Variants in IPO13 observed in about 807,000 individuals in gnomAD.
IPO13 encodes importin 13.
In IPO13, 28 loss-of-function variants were observed where a neutral mutation model predicts 115.5. The ratio of observed to expected loss-of-function variants is 0.24; its 90% CI spans 0.18 to 0.33. The LOEUF is 0.33. IPO13 is among the 10% of genes least tolerant of loss of function. The pLI is 1.00. For synonymous variants in IPO13, 414 were observed against 478.9 expected (o/e 0.86, Z 1.77); for missense variants, 785 against 1,204.6 (o/e 0.65, Z 5.16).
chr1:43,957,407 A>G lies in IPO13; in HGVS notation c.1398A>G (p.Thr466=), dbSNP rs762356792. The G allele has an allele frequency of 7.4e-6, 12 of 1,614,038 alleles. 1 individual carries two copies. Among genetic ancestry groups the G allele is most frequent in the Non-Finnish European group, 1.0e-5 (12 of 1,180,024 alleles). ...GTGGCACCCTCTTTCCCCAGCACAC[A>G]GAGGCCCTCCTCTACGGCTTCCAAT... is the stretch of plus-strand genomic sequence containing the variant. ...SSEEPYSWQH[T]EALLYGFQSI... Residue 466 remains threonine (T), a synonymous_variant, in exon 7 of 20, where the codon ACA becomes ACG. Coordinates refer to ENST00000372343, the MANE Select transcript of IPO13 (RefSeq NM_014652.4).
chr1:43,957,547 T>C lies in IPO13; in HGVS notation c.1538T>C (p.Ile513Thr). ...CTGGCAGACACTGTCATGTTCACCA[T>C]TGGTGAGACCTGGCACACACCCATG... ...VQLADTVMFT[I>T]GALSEWLADH... is the part of the protein sequence containing the mutation. The change falls in exon 7 of 20, where the codon ATT (isoleucine) becomes ACT (threonine). Residue 513 changes from isoleucine (I) to threonine (T), a missense_variant and splice_region_variant. By Grantham distance (89) the Ile-to-Thr change is moderately conservative. Transcript: ENST00000372343. 1.2e-6 allele frequency: 2 copies of C among 1,614,080 alleles called. No homozygotes were observed. The highest frequency in any genetic ancestry group is 2.2e-5 in the East Asian group (1 of 44,894).
intron 14 of IPO13, 111 bp downstream of exon 14, chr1:43,961,373 G>A (rs992394094): frequency 1.6e-5 from 14 of 865,878 alleles, no homozygotes; most frequent in Admixed American, 8.6e-5. Context: ...TGAGTCACAC[G>A]TGGGACTTGA....
Position 43,966,927 on chromosome 1 carries a change from C to T in IPO13, c.2524-3C>T. The stretch of plus-strand genomic sequence containing the variant: ...GGCTGATGGGCCTCTCCATCCTCTG[C>T]AGACAGAGCTGCTGCCTCGGTGTGG... On this transcript the variant is annotated splice_polypyrimidine_tract_variant and splice_region_variant and intron_variant, in intron 17 of 19. Transcript: ENST00000372343. This position sits in a 1 kb window ranked among gnomAD's most constrained non-coding sequence, Gnocchi z 4.1. 1.2e-6 allele frequency: 2 copies of T among 1,613,700 alleles called. No homozygotes were observed. Among genetic ancestry groups the T allele is most frequent in the Non-Finnish European group, 1.7e-6 (2 of 1,179,920 alleles).
Position 43,966,551 on chromosome 1 carries a change from G to T in IPO13, c.2398-24G>T, listed in dbSNP as rs768588008. 9.3e-6 allele frequency: 15 copies of T among 1,612,568 alleles called. No individual in the cohort carries two copies. Among genetic ancestry groups the T allele is most frequent in the Admixed American group, 5.0e-5 (3 of 59,982 alleles). On this transcript the variant is annotated intron_variant, in intron 15 of 19. Coordinates refer to ENST00000372343, the MANE Select transcript of IPO13 (RefSeq NM_014652.4). This position sits in a 1 kb window ranked among gnomAD's most constrained non-coding sequence, Gnocchi z 4.1. ...GGTCCTTGGAGCTGGCTGGGGCTGG[G>T]CTTACCAGCTCCACCTCCTGCAGGC...
At position 43,950,170 on chromosome 1, in the gene IPO13, TCACCCAGAAGACAACCTCTTTGGCCAGC is replaced by T; in HGVS notation, c.821+21_821+48del. On this transcript the variant is annotated intron_variant, in intron 2 of 19. Transcript: ENST00000372343. ...TGCCCAGAGGTGAGCTAGTACCCAC[TCACCCAGAAGACAACCTCTTTGGCCAGC>T]CACACATCCATCCATCCATCTGTTC... 6.3e-7 allele frequency: 1 copy of T among 1,583,882 alleles called. No homozygotes were observed. Among genetic ancestry groups the T allele is most frequent in the Non-Finnish European group, 8.6e-7 (1 of 1,162,610 alleles).
In IPO13 at chr1:43,967,052, T is replaced by C; in HGVS notation, c.2613+33T>C. The C allele has an allele frequency of 6.4e-7, 1 of 1,563,166 alleles. No homozygotes were observed. The highest frequency in any genetic ancestry group is 8.8e-7 in the Non-Finnish European group (1 of 1,134,074). On this transcript the variant is annotated intron_variant, in intron 18 of 19. Transcript: ENST00000372343. This position sits in a 1 kb window ranked among gnomAD's most constrained non-coding sequence, Gnocchi z 6.1. Reference sequence around the variant, plus strand: ...GGAGCAAAGGGGGGTTTGATGGGGGTGAGGGCCCCTCACTGCTGAGGCAGC... The same window carrying C: ...GGAGCAAAGGGGGGTTTGATGGGGGCGAGGGCCCCTCACTGCTGAGGCAGC...
In IPO13 at chr1:43,956,188, C is replaced by G; in HGVS notation, c.822-132C>G. 1 of 1,007,440 alleles carries G rather than the reference C, an allele frequency of 9.9e-7. No individual in the cohort carries two copies. Among genetic ancestry groups the G allele is most frequent in the South Asian group, 1.7e-5 (1 of 60,220 alleles). 62.4% of individuals were successfully genotyped at this position (1,007,440 alleles called of 1,614,324 possible). A position where few individuals can be genotyped will look rare whatever the true frequency, so the allele number is the denominator to read the frequency against. ...ATCAAATCTGCCATGTAGACCCTGACCCTTTTTTTGCTTAGGATTTGATAA... is the reference window on the plus strand; with the variant it reads ...ATCAAATCTGCCATGTAGACCCTGAGCCTTTTTTTGCTTAGGATTTGATAA... On this transcript the variant is annotated intron_variant, in intron 2 of 19. Coordinates refer to ENST00000372343, the MANE Select transcript of IPO13 (RefSeq NM_014652.4). This position sits in a 1 kb window ranked among gnomAD's most constrained non-coding sequence, Gnocchi z 4.7.
At chr1:43,954,906 C>T (rs1282112448) in intron 2 of IPO13, among the ~76,000 whole-genome samples, 1 of 152,214 alleles carries the variant, frequency 6.6e-6, no homozygotes, top group South Asian at 2.1e-4. Flanking sequence ...CTTCTGCCTG[C>T]ATAACCTATC....
intron 2 of IPO13, among the ~76,000 whole-genome samples, 170 bp downstream of exon 2, chr1:43,950,323 G>A (rs1181605273): frequency 6.6e-6 from 1 of 152,192 alleles, no homozygotes; most frequent in Non-Finnish European, 1.5e-5. Flanking sequence ...GTTCAGACAG[G>A]GAGGCAGACA....
chr1:43,955,500 C>T (rs754642388), intron 2 of IPO13, among the ~76,000 whole-genome samples: 3 of 152,136 alleles, frequency 2.0e-5, no homozygotes, highest in African/African-American at 4.8e-5. Flanking sequence ...TAGGAGACTC[C>T]GTCCTTGCCT....
chr1:43,948,931 C>T (rs1311005494), intron 1 of IPO13, among the ~76,000 whole-genome samples: 6 of 152,214 alleles, frequency 3.9e-5, no homozygotes, highest in African/African-American at 1.4e-4. Flanking sequence ...TGATTTCACA[C>T]TGGCTTTGGT....
At chr1:43,964,577 C>T (rs976483437) in intron 15 of IPO13, among the ~76,000 whole-genome samples, 18 of 152,074 alleles carry the variant, frequency 1.2e-4, no homozygotes, top group Non-Finnish European at 5.9e-5. Flanking sequence ...GGGCTGGCAT[C>T]GGGTGGGGAA....
chr1:43,948,611 T>TAGG (rs1200695104), intron 1 of IPO13, among the ~76,000 whole-genome samples: 4 of 152,232 alleles, frequency 2.6e-5, no homozygotes, highest in African/African-American at 4.8e-5. Flanking sequence ...GGAGCCTGCT[T>TAGG]AGGGGTCAGG....
chr1:43,966,983 G>A lies in IPO13; in HGVS notation c.2577G>A (p.Gln859=). The change falls in exon 18 of 20, where the codon CAG becomes CAA. Residue 859 remains glutamine, a synonymous_variant. Coordinates refer to ENST00000372343, the MANE Select transcript of IPO13 (RefSeq NM_014652.4). This position sits in a 1 kb window ranked among gnomAD's most constrained non-coding sequence, Gnocchi z 4.1. ...TAGAGTCTGTGGGAAAGGTGGTACAGGAAGACGGTCGTATGCTGCTCATAG... is the reference window on the plus strand; with the variant it reads ...TAGAGTCTGTGGGAAAGGTGGTACAAGAAGACGGTCGTATGCTGCTCATAG... The part of the protein sequence containing the change: ...GEVESVGKVV[Q]EDGRMLLIAV... The A allele has an allele frequency of 6.2e-7, 1 of 1,613,910 alleles. No homozygotes were observed. Among genetic ancestry groups the A allele is most frequent in the Non-Finnish European group, 8.5e-7 (1 of 1,180,030 alleles).
intron 14 of IPO13, among the ~76,000 whole-genome samples, chr1:43,964,011 T>C (rs1369008648): frequency 6.6e-6 from 1 of 152,236 alleles, no homozygotes; most frequent in Middle Eastern, 3.2e-3. Flanking sequence ...CATGAGGGGA[T>C]GGCCTGAGGA....
chr1:43,963,413 G>A (rs1262444962), intron 14 of IPO13, among the ~76,000 whole-genome samples: 1 of 152,192 alleles, frequency 6.6e-6, no homozygotes, highest in Non-Finnish European at 1.5e-5. Flanking sequence ...CCCAATCTTA[G>A]CCATTCCTTC....
At position 43,952,672 on chromosome 1, in the gene IPO13, C is replaced by T. The variant is rs1463437127; in HGVS notation, c.821+2519C>T. 2.0e-5 allele frequency among the ~76,000 whole-genome samples: 3 copies of T among 151,808 alleles called. No individual in the cohort carries two copies. The East Asian group carries it at 5.8e-4, about 29-fold the overall frequency. ...TACATATATTTATATGTATATGATA[C>T]ACACACACACATAGATAATGTGCTT... On this transcript the variant is annotated intron_variant, in intron 2 of 19. Coordinates refer to ENST00000372343, the MANE Select transcript of IPO13 (RefSeq NM_014652.4). This position sits in a 1 kb window ranked among gnomAD's most constrained non-coding sequence, Gnocchi z 4.7.
At chr1:43,963,838 C>T (rs1384693590) in intron 14 of IPO13, among the ~76,000 whole-genome samples, 2 of 152,192 alleles carry the variant, frequency 1.3e-5, no homozygotes, top group African/African-American at 4.8e-5. Flanking sequence ...CTGACTCCCC[C>T]ACCCCCCCAC....
At chr1:43,955,028 C>T (rs2085234676) in intron 2 of IPO13, among the ~76,000 whole-genome samples, 1 of 152,192 alleles carries the variant, frequency 6.6e-6, no homozygotes, top group African/African-American at 2.4e-5. Flanking sequence ...ATAGCTCCAC[C>T]GTCTACTTAG....
Sources: gnomAD v4.1 joint callset for allele counts (sites outside exome capture counted in the v4.1 genomes callset) on GRCh38, gnomAD v4.1.1 for gene constraint, Gnocchi (gnomAD v3.1) non-coding constraint, MANE v1.5 for transcripts, NCBI Gene and HGNC (gene_info 2026-07-23, HGNC 2026-07-21) for gene names.